Variants in GALNT2 observed in about 807,000 individuals in gnomAD.
GALNT2 encodes polypeptide N-acetylgalactosaminyltransferase 2.
In GALNT2, 31 loss-of-function variants were observed where a neutral mutation model predicts 81.4. That is an observed-to-expected ratio of 0.38 (90% confidence interval 0.29 to 0.51). The LOEUF (loss-of-function observed/expected upper bound fraction) is 0.51, where lower values mean the gene tolerates loss of function less well. Ranked by LOEUF, GALNT2 falls within the 20% of genes least tolerant of loss-of-function variation. The pLI, the probability that GALNT2 is intolerant of heterozygous loss-of-function variation, is 0.87. For synonymous variants in GALNT2, 303 were observed against 287.4 expected (o/e 1.05, Z -0.55); for missense variants, 629 against 765.7 (o/e 0.82, Z 2.11).
rs1663433955 is a variant in GALNT2, at chr1:230,189,038, G to A, written c.220+10727G>A. Among the ~76,000 whole-genome samples, 3 of 152,168 alleles carry A rather than the reference G, an allele frequency of 2.0e-5. No individual in the cohort carries two copies. The South Asian group carries it at 6.2e-4, about 32-fold the overall frequency. ...GGCCGGAAGAGGAGCAGGGGCAGCT[G>A]TAGGGGCTAGAAGGCCGAGGTCTGC... On this transcript the variant is annotated intron_variant, in intron 2 of 15. Transcript: ENST00000366672.
intron 1 of GALNT2, among the ~76,000 whole-genome samples, chr1:230,109,417 G>A (rs1483157216): frequency 6.6e-6 from 1 of 152,208 alleles, no homozygotes; most frequent in African/African-American, 2.4e-5. Context: ...CCTGTCACAC[G>A]AACAGGTTCT....
chr1:230,075,684 G>C (rs900089471), intron 1 of GALNT2, among the ~76,000 whole-genome samples: 1 of 152,202 alleles, frequency 6.6e-6, no homozygotes, highest in Non-Finnish European at 1.5e-5. Context: ...TCATTCTAGT[G>C]GGGGGCTGCG....
chr1:230,267,270 G>A (rs774849963), intron 14 of GALNT2, among the ~76,000 whole-genome samples: 5 of 152,220 alleles, frequency 3.3e-5, no homozygotes, highest in Non-Finnish European at 5.9e-5. Context: ...GCTAGAGAAA[G>A]GGATTAGAAG....
At chr1:230,133,695 TC>T (rs1248380049) in intron 1 of GALNT2, among the ~76,000 whole-genome samples, 1 of 152,188 alleles carries the variant, frequency 6.6e-6, no homozygotes, top group African/African-American at 2.4e-5. Context: ...CCTCAGGTGA[TC>T]CGCCTGTCTT....
intron 6 of GALNT2, among the ~76,000 whole-genome samples, chr1:230,242,137 G>A (rs74143143): frequency 0.075 from 11,391 of 152,112 alleles, 874 homozygotes; most frequent in African/African-American, 0.18. Context: ...GCGCATCCTC[G>A]TGGAAAACGC....
chr1:230,084,901 G>A (rs1261638852), intron 1 of GALNT2, among the ~76,000 whole-genome samples: 1 of 152,170 alleles, frequency 6.6e-6, no homozygotes, highest in East Asian at 1.9e-4. Context: ...GATTAGGGGA[G>A]ACAAGAATGT....
At chr1:230,150,641 C>T (rs1662064128) in intron 1 of GALNT2, among the ~76,000 whole-genome samples, 1 of 152,222 alleles carries the variant, frequency 6.6e-6, no homozygotes, top group Non-Finnish European at 1.5e-5. Flanking sequence ...AGACCTTAAG[C>T]TCTACTTATA....
chr1:230,161,642 C>G (rs542525348), intron 1 of GALNT2, among the ~76,000 whole-genome samples: 2 of 152,140 alleles, frequency 1.3e-5, no homozygotes, highest in South Asian at 4.2e-4. Flanking sequence ...AAAGTCCAGC[C>G]TGAATTGAGA....
chr1:230,224,362 AG>A (rs1345190948), intron 3 of GALNT2, among the ~76,000 whole-genome samples: 2 of 152,242 alleles, frequency 1.3e-5, no homozygotes, highest in Non-Finnish European at 2.9e-5. Context: ...AAATGACTCT[AG>A]CCTTAAATGG....
At chr1:230,167,264 G>T (rs530159404) in intron 1 of GALNT2, among the ~76,000 whole-genome samples, 194 of 152,182 alleles carry the variant, frequency 1.3e-3, no homozygotes, top group African/African-American at 4.3e-3. Context: ...TCCTGCCTCA[G>T]CCTCCCAAGT....
chr1:230,247,840 T>C (rs1398129520), intron 8 of GALNT2, among the ~76,000 whole-genome samples: 1 of 152,134 alleles, frequency 6.6e-6, no homozygotes, highest in East Asian at 1.9e-4. Context: ...CCTCTCTCTT[T>C]GGACCAAATT....
Position 230,271,018 on chromosome 1 carries a change from A to G in GALNT2, c.1441-3427A>G, listed in dbSNP as rs1426666452. 6.6e-6 allele frequency among the ~76,000 whole-genome samples: 1 copy of G among 152,200 alleles called. No homozygotes were observed. Among genetic ancestry groups the G allele is most frequent in the Admixed American group, 6.5e-5 (1 of 15,280 alleles). On this transcript the variant is annotated intron_variant, in intron 14 of 15. Coordinates refer to ENST00000366672, the MANE Select transcript of GALNT2 (RefSeq NM_004481.5). The surrounding 1 kb of genome is among the most constrained non-coding windows in gnomAD (Gnocchi z 4.2). ...TAAAAACATTCAGACATGATCTTTA[A>G]CTGGGTGTCAGCAGACCATCCAGCA...
intron 3 of GALNT2, among the ~76,000 whole-genome samples, chr1:230,209,563 C>T (rs1323341207): frequency 2.0e-5 from 3 of 152,214 alleles, no homozygotes; most frequent in Non-Finnish European, 4.4e-5. Flanking sequence ...ATTGTTGGGC[C>T]AGGTGCAGTG....
intron 2 of GALNT2, among the ~76,000 whole-genome samples, chr1:230,188,697 G>A (rs1298969117): frequency 6.6e-6 from 1 of 151,954 alleles, no homozygotes; most frequent in Non-Finnish European, 1.5e-5. Flanking sequence ...ATGAGTTTTT[G>A]CCCATAAACT....
chr1:230,228,634 G>A (rs554319510), intron 3 of GALNT2, among the ~76,000 whole-genome samples: 1 of 152,118 alleles, frequency 6.6e-6, no homozygotes, highest in Non-Finnish European at 1.5e-5. Flanking sequence ...ATCCATTTCT[G>A]TTCTGGTCAT....
intron 1 of GALNT2, among the ~76,000 whole-genome samples, chr1:230,100,310 C>CTTTTTTTT (rs573478928): frequency 1.6e-4 from 14 of 85,782 alleles, no homozygotes; most frequent in African/African-American, 6.1e-4. Flanking sequence ...CTTTTTATTC[C>CTTTTTTTT]TTTTTTTTTT....
rs112182659 is a variant in GALNT2 at position 230,089,151 on chromosome 1, C to CTT, written c.126+21759_126+21760dup. Among the ~76,000 whole-genome samples, 36 of 141,118 alleles carry CTT rather than the reference C, an allele frequency of 2.6e-4. No homozygotes were observed. The South Asian group carries it at 6.7e-3, about 26-fold the overall frequency. The allele number at this position is 141,118 out of a possible 152,430, so 92.6% of individuals were successfully genotyped here. On this transcript the variant is annotated intron_variant, in intron 1 of 15. Coordinates refer to ENST00000366672, the MANE Select transcript of GALNT2 (RefSeq NM_004481.5). ...GACCATTTTAACCATTTCTTTCTTT[C>CTT]TTTTTTTTTTTTTTTGAGATGGAGT...
chr1:230,168,113 C>G (rs1221667019), intron 1 of GALNT2, among the ~76,000 whole-genome samples: 2 of 152,152 alleles, frequency 1.3e-5, no homozygotes, highest in Non-Finnish European at 2.9e-5. Flanking sequence ...GTGCCACCCC[C>G]TGACTGGGGA....
At position 230,187,873 on chromosome 1, in the gene GALNT2, A is replaced by AAGAAACAG. The variant is rs1306679084; in HGVS notation, c.220+9562_220+9563insAGAAACAG. On this transcript the variant is annotated intron_variant, in intron 2 of 15. Transcript: ENST00000366672. ...TGAAATCAAGCTGATTCTCTCCAACATCCGGCTGTTTCTTCTCTCCTTCTC... is the reference window on the plus strand; with the variant it reads ...TGAAATCAAGCTGATTCTCTCCAACAAGAAACAGTCCGGCTGTTTCTTCTCTCCTTCTC... Among the ~76,000 whole-genome samples, 11 of 145,920 alleles carry AAGAAACAG rather than the reference A, an allele frequency of 7.5e-5. 1 individual carries two copies. The highest frequency in any genetic ancestry group is 2.1e-4 in the African/African-American group (8 of 38,810).
Sources: allele counts gnomAD v4.1 joint callset (sites outside exome capture counted in the v4.1 genomes callset), GRCh38; gene constraint gnomAD v4.1.1; non-coding constraint Gnocchi (gnomAD v3.1); transcripts MANE v1.5; gene names NCBI Gene and HGNC (gene_info 2026-07-23, HGNC 2026-07-21).